Variants in GSE1 observed in about 807,000 individuals in gnomAD.
GSE1 encodes Gse1 coiled-coil protein, also known as genetic suppressor element 1.
In GSE1, 32 loss-of-function variants were observed where a neutral mutation model predicts 112.6. The observed-to-expected ratio is 0.28, with a 90% CI of 0.21 to 0.38. The LOEUF (loss-of-function observed/expected upper bound fraction) is 0.38, where lower values mean the gene tolerates loss of function less well. Ranked by LOEUF, GSE1 falls within the 10% of genes least tolerant of loss-of-function variation. The pLI is 1.00. For synonymous variants in GSE1, 1,115 were observed against 735.6 expected, an observed-to-expected ratio of 1.52 and a Z score of -8.35; for missense variants, 2,348 against 1,699.2, an observed-to-expected ratio of 1.38 and a Z score of -6.71.
intron 2 of GSE1, among the ~76,000 whole-genome samples, chr16:85,493,621 C>CA (rs1249730417): frequency 6.6e-6 from 1 of 151,904 alleles, no homozygotes. Flanking sequence ...GGCGTGGTGG[C>CA]ACATGCCTGT....
intron 2 of GSE1, among the ~76,000 whole-genome samples, chr16:85,425,496 CT>C (rs1244965272): frequency 6.6e-6 from 1 of 152,180 alleles, no homozygotes; most frequent in African/African-American, 2.4e-5. Flanking sequence ...CAAAACCCAT[CT>C]TGTGGTGGCA....
intron 2 of GSE1, among the ~76,000 whole-genome samples, chr16:85,476,774 AT>A (rs549006723): frequency 3.5e-3 from 448 of 127,430 alleles, no homozygotes; most frequent in East Asian, 4.9e-3. Flanking sequence ...ACGCCTGACC[AT>A]TTTTTTTTTT....
intron 1 of GSE1, among the ~76,000 whole-genome samples, chr16:85,184,037 C>G (rs151014539): frequency 6.6e-6 from 1 of 152,212 alleles, no homozygotes; most frequent in Non-Finnish European, 1.5e-5. Context: ...TCAGTCTCCT[C>G]TTGAATCCTT....
At chr16:85,188,206 C>T (rs1039862684) in intron 1 of GSE1, among the ~76,000 whole-genome samples, 2 of 152,202 alleles carry the variant, frequency 1.3e-5, no homozygotes, top group Admixed American at 6.5e-5. Context: ...GGCATTCAGA[C>T]ACGTGGTCCT....
At chr16:85,387,717 C>T (rs1362467828) in intron 2 of GSE1, among the ~76,000 whole-genome samples, 3 of 152,258 alleles carry the variant, frequency 2.0e-5, no homozygotes, top group Admixed American at 1.3e-4. Flanking sequence ...TTTGTGAGAA[C>T]TCATTCATCT....
chr16:85,259,718 C>A lies in GSE1; in HGVS notation c.2283+87911C>A, dbSNP rs72487995. 1.1e-3 allele frequency among the ~76,000 whole-genome samples: 174 copies of A among 152,314 alleles called. 3 individuals carry two copies. In the East Asian group the frequency reaches 0.032, roughly 28 times the overall value. On this transcript the variant is annotated intron_variant, in intron 1 of 2. Transcript: ENST00000637419. ...CCGAGGGCAGGGCTGTGCCCCTGCC[C>A]GTGTGCCCACCACCTGCTCTCTGCT... is the stretch of plus-strand genomic sequence containing the variant.
At chr16:85,428,534 A>G (rs935704978) in intron 2 of GSE1, among the ~76,000 whole-genome samples, 1 of 152,210 alleles carries the variant, frequency 6.6e-6, no homozygotes, top group Non-Finnish European at 1.5e-5. Flanking sequence ...TGGAACCAGC[A>G]CTGCTAGCAG....
At chr16:85,304,753 C>G (rs752167544) in intron 1 of GSE1, among the ~76,000 whole-genome samples, 8 of 152,194 alleles carry the variant, frequency 5.3e-5, no homozygotes, top group Non-Finnish European at 1.2e-4. Context: ...GGCCAGGGCC[C>G]TCTCGACTTC....
chr16:85,302,281 C>T (rs976099058), intron 1 of GSE1, among the ~76,000 whole-genome samples: 1 of 152,198 alleles, frequency 6.6e-6, no homozygotes, highest in African/African-American at 2.4e-5. Flanking sequence ...TCCGGGGTGA[C>T]TCGGAGTCAT....
At chr16:85,393,021 G>A (rs1334711692) in intron 2 of GSE1, among the ~76,000 whole-genome samples, 6 of 152,224 alleles carry the variant, frequency 3.9e-5, no homozygotes, top group African/African-American at 2.4e-5. Flanking sequence ...CTGGTCAGAG[G>A]GAGGAGGATC....
rs149872440 is a variant in GSE1 at position 85,428,194 on chromosome 16, C to T, written c.2464+70551C>T. Among the ~76,000 whole-genome samples, 764 of 152,336 alleles carry T rather than the reference C, an allele frequency of 5.0e-3. 7 individuals are homozygous for T. The highest frequency in any genetic ancestry group is 0.014 in the Middle Eastern group (4 of 294). On this transcript the variant is annotated intron_variant, in intron 2 of 2. Coordinates refer to the GSE1 transcript ENST00000637419. The stretch of plus-strand genomic sequence containing the variant: ...AGGCAGGAGGGAGAGCAGGGGCTGG[C>T]CCCTCATTAGCAGGGCAGGCTGAGG...
intron 2 of GSE1, among the ~76,000 whole-genome samples, chr16:85,493,523 G>T (rs1339775874): frequency 6.6e-6 from 1 of 152,076 alleles, no homozygotes; most frequent in African/African-American, 2.4e-5. Context: ...GGAGGCCGAG[G>T]CAGGCGGATC....
At chr16:85,302,016 A>C (rs1056493959) in intron 1 of GSE1, among the ~76,000 whole-genome samples, 3 of 152,222 alleles carry the variant, frequency 2.0e-5, no homozygotes, top group African/African-American at 7.2e-5. Context: ...AGAACTCTCC[A>C]GGCAGGGCTG....
chr16:85,470,090 G>A (rs933622476), intron 2 of GSE1, among the ~76,000 whole-genome samples: 10 of 152,260 alleles, frequency 6.6e-5, no homozygotes, highest in Admixed American at 1.3e-4. Context: ...TGAGGGCCAC[G>A]CTCCAGGGTG....
intron 2 of GSE1, among the ~76,000 whole-genome samples, chr16:85,522,272 C>G (rs1447718158): frequency 1.3e-5 from 2 of 152,136 alleles, no homozygotes; most frequent in African/African-American, 2.4e-5. Context: ...GCGCCCTTCC[C>G]AAAGCCTGCC....
chr16:85,655,111 G>A lies in GSE1; in HGVS notation c.797+120G>A, dbSNP rs555888829. 12 of 712,646 alleles carry A rather than the reference G, an allele frequency of 1.7e-5. No individual in the cohort carries two copies. In the South Asian group the frequency reaches 1.9e-4, roughly 11 times the overall value. 44.1% of individuals were successfully genotyped at this position (712,646 alleles called of 1,614,324 possible). ...CCAGGCTCCTAGGGGAGGGTCTAGA[G>A]TAGCCCCTGAAATCGTCCCCAGCTT... On this transcript the variant is annotated intron_variant, in intron 5 of 15. Coordinates refer to ENST00000253458, the MANE Select transcript of GSE1 (RefSeq NM_014615.5).
At chr16:85,650,785 A>C (rs1258150221) in intron 3 of GSE1, among the ~76,000 whole-genome samples, 1 of 151,874 alleles carries the variant, frequency 6.6e-6, no homozygotes, top group Non-Finnish European at 1.5e-5. Flanking sequence ...AGGCAGAGAG[A>C]GGATTCCCCT....
intron 2 of GSE1, among the ~76,000 whole-genome samples, chr16:85,525,604 C>T (rs756037788): frequency 2.6e-4 from 40 of 152,328 alleles, no homozygotes; most frequent in Non-Finnish European, 4.9e-4. Flanking sequence ...GCCTGAGGAC[C>T]AGTTAACGTC....
intron 2 of GSE1, among the ~76,000 whole-genome samples, chr16:85,475,379 G>C (rs2050420750): frequency 6.6e-6 from 1 of 152,246 alleles, no homozygotes. Context: ...ATAGCCCAAA[G>C]GCTAGGGCGG....
Sources: gnomAD v4.1 joint callset for allele counts (sites outside exome capture counted in the v4.1 genomes callset) on GRCh38, gnomAD v4.1.1 for gene constraint, MANE v1.5 for transcripts, NCBI Gene and HGNC (gene_info 2026-07-23, HGNC 2026-07-21) for gene names.